The following CPA4 variants were observed in gnomAD, a reference collection of about 807,000 sequenced individuals.
CPA4 encodes carboxypeptidase A3.
Under a neutral mutation model 54.7 loss-of-function variants are expected in CPA4, and 49 were observed. The ratio of observed to expected loss-of-function variants is 0.90; its 90% CI spans 0.71 to 1.14. The LOEUF is 1.14. Ranked by LOEUF, CPA4 falls within the 50% of genes most tolerant of loss-of-function variation. CPA4 has a pLI of 0.00. For missense variants in CPA4, 487 were observed against 525.1 expected, an observed-to-expected ratio of 0.93 and a Z score of 0.71; for synonymous variants, 215 against 206.8, an observed-to-expected ratio of 1.04 and a Z score of -0.34.
chr7:130,301,989 C>T (rs1295565345), intron 4 of CPA4, among the ~76,000 whole-genome samples: 5 of 152,184 alleles, frequency 3.3e-5, no homozygotes, highest in African/African-American at 7.2e-5. Flanking sequence ...TCACCCAAGA[C>T]CCTGGAGGGG....
chr7:130,310,749 CTA>C lies in CPA4; in HGVS notation c.794-36_794-35del, dbSNP rs1342767188. The C allele has an allele frequency of 5.1e-6, 8 of 1,583,736 alleles. No individual in the cohort carries two copies. The highest frequency in any genetic ancestry group is 6.9e-6 in the Non-Finnish European group (8 of 1,152,516). On this transcript the variant is annotated intron_variant, in intron 8 of 10. Transcript: ENST00000222482. The surrounding 1 kb of genome is among the most constrained non-coding windows in gnomAD (Gnocchi z 4.3). ...CGTCTTGCATTTCTGTGTTCTTGGACTATGAGTTAATGTTTGTTCTTGGGCTA... is the reference window on the plus strand; with the variant it reads ...CGTCTTGCATTTCTGTGTTCTTGGACTGAGTTAATGTTTGTTCTTGGGCTA...
chr7:130,293,893 G>A (rs1045486084), intron 1 of CPA4, among the ~76,000 whole-genome samples: 1 of 151,854 alleles, frequency 6.6e-6, no homozygotes, highest in Admixed American at 6.6e-5. Flanking sequence ...GTGTGCGCGT[G>A]TGTGTGTGCA....
intron 4 of CPA4, among the ~76,000 whole-genome samples, chr7:130,303,002 T>C (rs1024092369): frequency 1.3e-5 from 2 of 152,230 alleles, no homozygotes; most frequent in Admixed American, 1.3e-4. Flanking sequence ...AACTTGGCTG[T>C]GAATCATTTT....
intron 10 of CPA4, among the ~76,000 whole-genome samples, chr7:130,320,067 C>T (rs1794064035): frequency 1.3e-5 from 2 of 152,082 alleles, no homozygotes; most frequent in Admixed American, 1.3e-4. Context: ...TTCTGAGCCC[C>T]AACCCTTGTA....
At chr7:130,294,507 GC>G (rs1793619831) in intron 1 of CPA4, among the ~76,000 whole-genome samples, 1 of 152,326 alleles carries the variant, frequency 6.6e-6, no homozygotes, top group South Asian at 2.1e-4. Flanking sequence ...GACTAGACTT[GC>G]TGCCGTGTGG....
rs370294737 is a variant in CPA4, at chr7:130,304,561, G to A, written c.468G>A (p.Arg156=). 24 of 1,610,884 alleles carry A rather than the reference G, an allele frequency of 1.5e-5. No individual in the cohort carries two copies. The African/African-American group carries it at 2.5e-4, about 17-fold the overall frequency. The change falls in exon 5 of 11, where the codon CGG becomes CGA. Residue 156 remains arginine, a synonymous_variant. Coordinates refer to ENST00000222482, the MANE Select transcript of CPA4 (RefSeq NM_016352.4). The part of the protein sequence containing the change: ...RVKIGHSFEN[R]PMYVLKFSTG... Reference sequence around the variant, plus strand: ...AGATTGGACATTCGTTTGAAAACCGGCCGATGTATGTACTGAAGGTGAGGC... The same window carrying A: ...AGATTGGACATTCGTTTGAAAACCGACCGATGTATGTACTGAAGGTGAGGC...
intron 10 of CPA4, among the ~76,000 whole-genome samples, chr7:130,321,981 C>G (rs1376144760): frequency 3.3e-5 from 5 of 152,192 alleles, no homozygotes; most frequent in African/African-American, 7.2e-5. Flanking sequence ...TACACCATGA[C>G]AGCTGGCTTA....
intron 1 of CPA4, among the ~76,000 whole-genome samples, chr7:130,297,419 C>T (rs1187829127): frequency 2.0e-5 from 3 of 152,298 alleles, no homozygotes; most frequent in East Asian, 1.9e-4. Context: ...TCAGGGCCCT[C>T]GGCAGTGCCC....
chr7:130,302,714 C>A (rs1172969835), intron 4 of CPA4, among the ~76,000 whole-genome samples: 1 of 152,160 alleles, frequency 6.6e-6, no homozygotes, highest in Non-Finnish European at 1.5e-5. Context: ...AAGCTCAAGG[C>A]AGCTATCCTG....
At chr7:130,314,741 C>T (rs969572165) in intron 10 of CPA4, among the ~76,000 whole-genome samples, 2 of 152,072 alleles carry the variant, frequency 1.3e-5, no homozygotes, top group African/African-American at 2.4e-5. Context: ...TCCTCGAAGC[C>T]GTAGGTCCCA....
chr7:130,297,729 A>G (rs995374756), intron 1 of CPA4, among the ~76,000 whole-genome samples: 2 of 152,198 alleles, frequency 1.3e-5, no homozygotes, highest in African/African-American at 4.8e-5. Context: ...CAGGTCCTTG[A>G]GCCCACAGCG....
chr7:130,308,799 C>T (rs1793867833), intron 8 of CPA4, among the ~76,000 whole-genome samples: 1 of 150,812 alleles, frequency 6.6e-6, no homozygotes, highest in African/African-American at 2.5e-5. Flanking sequence ...GATCCACCTG[C>T]TTCAGCCTTC....
At chr7:130,313,370 A>C (rs1044589466) in intron 10 of CPA4, among the ~76,000 whole-genome samples, 11 of 152,158 alleles carry the variant, frequency 7.2e-5, no homozygotes, top group African/African-American at 2.7e-4. Flanking sequence ...CTATTCCTTT[A>C]GCTTTTTAGC....
chr7:130,310,653 G>A lies in CPA4; in HGVS notation c.794-134G>A. On this transcript the variant is annotated intron_variant, in intron 8 of 10. Coordinates refer to ENST00000222482, the MANE Select transcript of CPA4 (RefSeq NM_016352.4). This position sits in a 1 kb window ranked among gnomAD's most constrained non-coding sequence, Gnocchi z 4.3. ...TTCTCTGCAGTCCACACCCACCATG[G>A]ACTAGGTGCTCTGGGCCGTCTCGCC... The A allele has an allele frequency of 1.4e-6, 1 of 729,370 alleles. No individual in the cohort carries two copies. 45.2% of individuals were successfully genotyped at this position (729,370 alleles called of 1,614,324 possible).
chr7:130,294,041 T>A (rs1793612609), intron 1 of CPA4, among the ~76,000 whole-genome samples: 1 of 152,198 alleles, frequency 6.6e-6, no homozygotes, highest in Non-Finnish European at 1.5e-5. Context: ...CATTACTGCA[T>A]AATACTTTAC....
intron 1 of CPA4, among the ~76,000 whole-genome samples, chr7:130,298,489 A>G (rs1015397287): frequency 6.6e-6 from 1 of 152,142 alleles, no homozygotes; most frequent in African/African-American, 2.4e-5. Flanking sequence ...TGCTTTTTCC[A>G]TACTTATAAT....
intron 1 of CPA4, among the ~76,000 whole-genome samples, chr7:130,293,916 C>T (rs9691562): frequency 0.96 from 145,597 of 152,130 alleles, 69,930 homozygotes; most frequent in East Asian, 1. Flanking sequence ...CACACACGTG[C>T]TCAACACGCT....
rs141178573 is a variant in CPA4 at position 130,308,588 on chromosome 7, C to T, written c.793+191C>T. Reference sequence around the variant, plus strand: ...TTGTTGCTGTTTTGAGATGGAATCTCACTCTGTCACCCAGGCTGGAGTGCA... The same window carrying T: ...TTGTTGCTGTTTTGAGATGGAATCTTACTCTGTCACCCAGGCTGGAGTGCA... On this transcript the variant is annotated intron_variant, in intron 8 of 10. Coordinates refer to ENST00000222482, the MANE Select transcript of CPA4 (RefSeq NM_016352.4). 6.4e-3 allele frequency among the ~76,000 whole-genome samples: 976 copies of T among 152,276 alleles called. 8 individuals are homozygous for T. Among genetic ancestry groups the T allele is most frequent in the African/African-American group, 0.022 (918 of 41,542 alleles).
chr7:130,322,774 C>A lies in CPA4; in HGVS notation c.*98C>A. On this transcript the variant is annotated 3_prime_UTR_variant, in exon 11 of 11. Transcript: ENST00000222482. ...CTTTCCTACCTGTGTGAGTCAGAGC[C>A]CTCTGGGTTTGTGGAGCACACAGGC... 1 of 1,289,562 alleles carries A rather than the reference C, an allele frequency of 7.8e-7. No homozygotes were observed. The highest frequency in any genetic ancestry group is 1.1e-6 in the Non-Finnish European group (1 of 937,612). The allele number at this position is 1,289,562 out of a possible 1,614,324, so 79.9% of individuals were successfully genotyped here.
Sources: allele counts gnomAD v4.1 joint callset (sites outside exome capture counted in the v4.1 genomes callset), GRCh38; gene constraint gnomAD v4.1.1; non-coding constraint Gnocchi (gnomAD v3.1); transcripts MANE v1.5; gene names NCBI Gene and HGNC (gene_info 2026-07-23, HGNC 2026-07-21).